The following MOK variants were observed in gnomAD, a reference collection of about 807,000 sequenced individuals.
MOK encodes MOK protein kinase.
MOK carries 59 observed loss-of-function variants against 54.2 expected under a neutral mutation model. The observed-to-expected ratio is 1.09, with a 90% CI of 0.88 to 1.35. MOK has a LOEUF of 1.35. Ranked by LOEUF, MOK falls within the 40% of genes most tolerant of loss-of-function variation. The pLI, the probability that MOK is intolerant of heterozygous loss-of-function variation, is 0.00. For synonymous variants in MOK, 210 were observed against 202.7 expected, an observed-to-expected ratio of 1.04 and a Z score of -0.31; for missense variants, 517 against 526.2, an observed-to-expected ratio of 0.98 and a Z score of 0.17.
At position 102,231,483 on chromosome 14, in the gene MOK, C is replaced by T. The variant is rs1179651733; in HGVS notation, c.981+224G>A. 2.0e-6 allele frequency: 1 copy of T among 508,962 alleles called. No individual in the cohort carries two copies. Among genetic ancestry groups the T allele is most frequent in the African/African-American group, 1.9e-5 (1 of 51,844 alleles). The allele number at this position is 508,962 out of a possible 1,614,324, so 31.5% of individuals were successfully genotyped here. ...CCTGCTCACATGGGATATTCGTCAT[C>T]AATTCTTAGCTACTGGGGCAGAAAG... On this transcript the variant is annotated intron_variant, in intron 10 of 11. Coordinates refer to ENST00000361847, the MANE Select transcript of MOK (RefSeq NM_014226.3). The surrounding 1 kb of genome is among the most constrained non-coding windows in gnomAD (Gnocchi z 4.4).
At chr14:102,258,139 C>A (rs1406170519) in intron 4 of MOK, among the ~76,000 whole-genome samples, 5 of 152,208 alleles carry the variant, frequency 3.3e-5, no homozygotes, top group Admixed American at 6.5e-5. Context: ...CTTCTGTGAT[C>A]GTTTTGGAAA....
At chr14:102,301,281 T>G (rs1407586459) in intron 1 of MOK, among the ~76,000 whole-genome samples, 3 of 151,986 alleles carry the variant, frequency 2.0e-5, no homozygotes, top group African/African-American at 7.3e-5. Flanking sequence ...ACCGGAACAA[T>G]GAAGAAAAGC....
chr14:102,288,456 C>T (rs1177907673), intron 1 of MOK, among the ~76,000 whole-genome samples: 1 of 152,134 alleles, frequency 6.6e-6, no homozygotes, highest in Non-Finnish European at 1.5e-5. Flanking sequence ...ATTATGTGAT[C>T]CCACTTATAT....
chr14:102,222,884 C>T (rs372904264), downstream of MOK: 13 of 1,614,030 alleles, frequency 8.1e-6, no homozygotes, highest in East Asian at 1.1e-4. The surrounding 1 kb of genome is among the most constrained non-coding windows in gnomAD (Gnocchi z 4.4). Flanking sequence ...TGTAGTGTAG[C>T]GACCTCACTG....
intron 2 of MOK, among the ~76,000 whole-genome samples, chr14:102,280,365 C>T (rs1278195879): frequency 2.0e-5 from 3 of 152,048 alleles, no homozygotes; most frequent in African/African-American, 4.8e-5. Flanking sequence ...CACACTACCG[C>T]GCCCGGCTGA....
At chr14:102,262,476 T>A (rs1199252913) in intron 4 of MOK, among the ~76,000 whole-genome samples, 1 of 152,264 alleles carries the variant, frequency 6.6e-6, no homozygotes, top group Non-Finnish European at 1.5e-5. Context: ...TCAACTTTTA[T>A]GGATGTAGAA....
rs532649747 is a variant in MOK at position 102,239,726 on chromosome 14, G to A, written c.591-5937C>T. On this transcript the variant is annotated intron_variant, in intron 7 of 11. Transcript: ENST00000361847. ...TCTACTAAAAATACAAAAATTAGCC[G>A]GGCATGGTGGCAGGCACCTGTAGTC... is the stretch of plus-strand genomic sequence containing the variant. 1.2e-4 allele frequency among the ~76,000 whole-genome samples: 18 copies of A among 152,172 alleles called. No homozygotes were observed. In the South Asian group the frequency reaches 1.9e-3, roughly 16 times the overall value.
chr14:102,218,351 G>A, the MOK span, among the ~76,000 whole-genome samples: 16 of 152,158 alleles, frequency 1.1e-4, no homozygotes, highest in Non-Finnish European at 2.2e-4. Flanking sequence ...CAGGGGTCGT[G>A]GGGGTCAGAA....
At chr14:102,278,127 G>T (rs977433361) in intron 2 of MOK, among the ~76,000 whole-genome samples, 1 of 152,058 alleles carries the variant, frequency 6.6e-6, no homozygotes, top group Non-Finnish European at 1.5e-5. Context: ...GCAAGCCCTC[G>T]CCAGATACCA....
At chr14:102,298,885 G>A (rs754968039) in intron 1 of MOK, among the ~76,000 whole-genome samples, 5 of 152,116 alleles carry the variant, frequency 3.3e-5, no homozygotes, top group South Asian at 2.1e-4. Flanking sequence ...CAGGAGGAAT[G>A]AACAAGTCCA....
At position 102,230,273 on chromosome 14, in the gene MOK, C is replaced by T. The variant is rs914527360; in HGVS notation, c.982-616G>A. Reference sequence around the variant, plus strand: ...ACGTTGCCCAGGCTGGTCTCAAACTCCTGGCCTCAAGTGATCCTACCCTGG... The same window carrying T: ...ACGTTGCCCAGGCTGGTCTCAAACTTCTGGCCTCAAGTGATCCTACCCTGG... On this transcript the variant is annotated intron_variant, in intron 10 of 11. Coordinates refer to ENST00000361847, the MANE Select transcript of MOK (RefSeq NM_014226.3). This position sits in a 1 kb window ranked among gnomAD's most constrained non-coding sequence, Gnocchi z 4.1. 1 of 153,090 alleles carries T rather than the reference C, an allele frequency of 6.5e-6. No individual in the cohort carries two copies. The highest frequency in any genetic ancestry group is 2.4e-5 in the African/African-American group (1 of 41,428). The allele number at this position is 153,090 out of a possible 1,614,324, so 9.5% of individuals were successfully genotyped here. A position where few individuals can be genotyped will look rare whatever the true frequency, so the allele number is the denominator to read the frequency against.
At position 102,236,367 on chromosome 14, in the gene MOK, A is replaced by G. The variant is rs1419702081; in HGVS notation, c.591-2578T>C. 6.6e-6 allele frequency among the ~76,000 whole-genome samples: 1 copy of G among 152,118 alleles called. No individual in the cohort carries two copies. The highest frequency in any genetic ancestry group is 1.5e-5 in the Non-Finnish European group (1 of 68,012). On this transcript the variant is annotated intron_variant, in intron 7 of 11. Coordinates refer to ENST00000361847, the MANE Select transcript of MOK (RefSeq NM_014226.3). This position sits in a 1 kb window ranked among gnomAD's most constrained non-coding sequence, Gnocchi z 4.5. ...TTGCCTGAATTTTCAGGACCCACTC[A>G]TCCCTCTCAGGTCTCAGTTGTGGGG...
the MOK span, among the ~76,000 whole-genome samples, chr14:102,217,142 A>G: frequency 3.3e-5 from 5 of 152,248 alleles, no homozygotes; most frequent in Admixed American, 1.3e-4. Context: ...CAAGCTAGAA[A>G]GGCTTTATGG....
chr14:102,217,846 C>T, the MOK span, among the ~76,000 whole-genome samples: 10 of 152,202 alleles, frequency 6.6e-5, no homozygotes, highest in Non-Finnish European at 1.2e-4. Flanking sequence ...TCATCGTTTC[C>T]GCACCGTCTC....
At position 102,232,238 on chromosome 14, in the gene MOK, C is replaced by T. The variant is rs760307477; in HGVS notation, c.866+297G>A. On this transcript the variant is annotated intron_variant, in intron 9 of 11. Coordinates refer to ENST00000361847, the MANE Select transcript of MOK (RefSeq NM_014226.3). The surrounding 1 kb of genome is among the most constrained non-coding windows in gnomAD (Gnocchi z 5.1). ...TCCTGTTCACACCATTTACAAGGGCCGCACACCAGGCTCTTCTAGAAGGAT... is the reference window on the plus strand; with the variant it reads ...TCCTGTTCACACCATTTACAAGGGCTGCACACCAGGCTCTTCTAGAAGGAT... The T allele has an allele frequency of 7.9e-5, 30 of 380,222 alleles. No homozygotes were observed. Among genetic ancestry groups the T allele is most frequent in the East Asian group, 1.3e-4 (3 of 23,004 alleles). The allele number at this position is 380,222 out of a possible 1,614,324, so 23.6% of individuals were successfully genotyped here.
intron 2 of MOK, among the ~76,000 whole-genome samples, chr14:102,268,371 G>GAA (rs575944885): frequency 1.3e-4 from 19 of 144,430 alleles, no homozygotes; most frequent in African/African-American, 4.0e-4. Context: ...TTAAAATCAT[G>GAA]AAAAAAAAAA....
At chr14:102,216,165 A>C in the MOK span, among the ~76,000 whole-genome samples, 3 of 152,208 alleles carry the variant, frequency 2.0e-5, no homozygotes, top group Non-Finnish European at 4.4e-5. Flanking sequence ...CAGAGCCTCC[A>C]GTGCTGAACT....
chr14:102,225,994 C>T (rs1051930220), downstream of MOK: 10 of 363,710 alleles, frequency 2.7e-5, no homozygotes, highest in African/African-American at 4.3e-5. Flanking sequence ...AGAGGTCGGC[C>T]GTGCCAGGGG....
rs757577342 is a variant in MOK at position 102,229,369 on chromosome 14, G to A, written c.1183-3C>T. ...TTAAGGTCCTTCTGCGGATCTGTCT[G>A]TCAAAGAAAAATTACAGACACAAAA... On this transcript the variant is annotated splice_polypyrimidine_tract_variant and splice_region_variant and intron_variant, in intron 11 of 11. Coordinates refer to ENST00000361847, the MANE Select transcript of MOK (RefSeq NM_014226.3). 2.5e-6 allele frequency: 4 copies of A among 1,614,200 alleles called. No homozygotes were observed. Among genetic ancestry groups the A allele is most frequent in the East Asian group, 4.5e-5 (2 of 44,880 alleles).
Sources: allele counts gnomAD v4.1 joint callset (sites outside exome capture counted in the v4.1 genomes callset), GRCh38; gene constraint gnomAD v4.1.1; non-coding constraint Gnocchi (gnomAD v3.1); transcripts MANE v1.5; gene names NCBI Gene and HGNC (gene_info 2026-07-23, HGNC 2026-07-21).